Variants in HECTD2 observed in about 807,000 individuals in gnomAD.
HECTD2 encodes HECT domain E3 ubiquitin protein ligase 2.
HECTD2 carries 35 observed loss-of-function variants against 103.2 expected under a neutral mutation model. That is an observed-to-expected ratio of 0.34 (90% CI 0.26 to 0.45). HECTD2 has a LOEUF of 0.45. Ranked by LOEUF, HECTD2 falls within the 20% of genes least tolerant of loss-of-function variation. HECTD2 has a pLI of 1.00. For synonymous variants in HECTD2, 281 were observed against 329.9 expected (o/e 0.85, Z 1.61); for missense variants, 596 against 937.4 (o/e 0.64, Z 4.76).
intron 1 of HECTD2, among the ~76,000 whole-genome samples, chr10:91,421,114 CATTT>C (rs1258195214): frequency 3.3e-5 from 5 of 152,110 alleles, no homozygotes; most frequent in South Asian, 2.1e-4. Flanking sequence ...ACTTCCCATT[CATTT>C]GTCAATTTAT....
chr10:91,494,662 A>C (rs1337581359), intron 14 of HECTD2, among the ~76,000 whole-genome samples: 1 of 152,194 alleles, frequency 6.6e-6, no homozygotes, highest in East Asian at 1.9e-4. Context: ...AAAGGTCCAA[A>C]GTGCTAAATT....
At chr10:91,431,965 G>T (rs1235390482) in intron 2 of HECTD2, among the ~76,000 whole-genome samples, 4 of 151,876 alleles carry the variant, frequency 2.6e-5, no homozygotes, top group Non-Finnish European at 5.9e-5. Context: ...ACTCTGACTC[G>T]ATGAGTAGAC....
chr10:91,451,478 C>T (rs1844824719), intron 2 of HECTD2, among the ~76,000 whole-genome samples: 1 of 151,870 alleles, frequency 6.6e-6, no homozygotes, highest in African/African-American at 2.4e-5. Flanking sequence ...ATGTAACAAA[C>T]CTGCACGTTC....
intron 2 of HECTD2, among the ~76,000 whole-genome samples, chr10:91,455,779 C>G (rs1186839207): frequency 2.0e-5 from 3 of 152,094 alleles, no homozygotes; most frequent in African/African-American, 2.4e-5. Flanking sequence ...CCAGTTTTAG[C>G]TTTCTACATA....
At chr10:91,425,458 AT>A in intron 2 of HECTD2, 48 bp downstream of exon 2, 1 of 1,330,658 alleles carries the variant, frequency 7.5e-7, no homozygotes, top group Non-Finnish European at 1.0e-6. Flanking sequence ...TTTTTAAATT[AT>A]TTTTAAAAGT....
In HECTD2 at chr10:91,499,066, C is replaced by T. The variant is rs1358706715; in HGVS notation, c.1866C>T (p.Asp622=). 3 of 1,611,692 alleles carry T rather than the reference C, an allele frequency of 1.9e-6. No homozygotes were observed. The highest frequency in any genetic ancestry group is 1.7e-6 in the Non-Finnish European group (2 of 1,178,194). ...NRKEYVQLYT[D]FLLNKSIYKQ... ...CAGAATATGTACAGCTTTATACTGA[C>T]TTCCTTCTGAACAAATCCATCTATA... Residue 622 remains aspartate (D), a synonymous_variant, in exon 18 of 21, where the codon GAC becomes GAT. Transcript: ENST00000298068.
intron 2 of HECTD2, among the ~76,000 whole-genome samples, chr10:91,455,661 G>A (rs1845054907): frequency 6.6e-6 from 1 of 152,134 alleles, no homozygotes; most frequent in East Asian, 1.9e-4. Flanking sequence ...CCTATGTCCT[G>A]AATGGTATTG....
At chr10:91,484,426 G>A (rs1184625188) in intron 8 of HECTD2, 81 bp from the exon 9 acceptor site, 67 of 1,508,170 alleles carry the variant, frequency 4.4e-5, no homozygotes, top group South Asian at 2.8e-4. Context: ...TGTGGCTTAG[G>A]ATGTAGTTTA....
intron 5 of HECTD2, among the ~76,000 whole-genome samples, chr10:91,465,990 G>A (rs1845519894): frequency 6.6e-6 from 1 of 152,124 alleles, no homozygotes; most frequent in South Asian, 2.1e-4. Context: ...TTTTCTGGAA[G>A]AAATTTTACA....
chr10:91,500,739 C>A, intron 19 of HECTD2, 122 bp downstream of exon 19: 1 of 496,464 alleles, frequency 2.0e-6, no homozygotes. Context: ...ATTAGAGAGT[C>A]CCACAGTCTT....
intron 2 of HECTD2, among the ~76,000 whole-genome samples, chr10:91,456,351 T>G (rs1443840249): frequency 6.6e-6 from 1 of 152,032 alleles, no homozygotes; most frequent in Admixed American, 6.6e-5. Context: ...TGAATGGGAG[T>G]TCACTCATGA....
intron 6 of HECTD2, 94 bp downstream of exon 6, chr10:91,478,359 G>A: frequency 1.3e-6 from 1 of 753,880 alleles, no homozygotes; most frequent in Non-Finnish European, 2.2e-6. Flanking sequence ...TTTACTCTCA[G>A]AAAAGATTTT....
chr10:91,426,586 G>GCA (rs1246652550), intron 2 of HECTD2, among the ~76,000 whole-genome samples: 1 of 147,044 alleles, frequency 6.8e-6, no homozygotes, highest in Non-Finnish European at 1.5e-5. Context: ...ACACACACAA[G>GCA]CACACACACA....
intron 2 of HECTD2, among the ~76,000 whole-genome samples, chr10:91,456,725 G>T (rs1564716262): frequency 6.6e-6 from 1 of 151,936 alleles, no homozygotes; most frequent in Non-Finnish European, 1.5e-5. Flanking sequence ...GTCATAAATA[G>T]CTCTTATTAT....
intron 1 of HECTD2, among the ~76,000 whole-genome samples, chr10:91,424,383 AG>A: frequency 6.6e-6 from 1 of 152,114 alleles, no homozygotes; most frequent in East Asian, 1.9e-4. Context: ...AAGAAGGAGG[AG>A]ATGAAAAAGA....
At position 91,429,534 on chromosome 10, in the gene HECTD2, T is replaced by C. The variant is rs927840085; in HGVS notation, c.268+4124T>C. Among the ~76,000 whole-genome samples, 13 of 152,204 alleles carry C rather than the reference T, an allele frequency of 8.5e-5. 1 individual carries two copies. Among genetic ancestry groups the C allele is most frequent in the Non-Finnish European group, 2.9e-5 (2 of 68,028 alleles). ...GGACTCTTTTTGGTTGGTAAGCTAT[T>C]GATTATTGCCACAATTTCAGATCCT... On this transcript the variant is annotated intron_variant, in intron 2 of 20. Coordinates refer to ENST00000298068, the MANE Select transcript of HECTD2 (RefSeq NM_182765.6).
At chr10:91,482,755 C>T (rs1350295275) in intron 7 of HECTD2, among the ~76,000 whole-genome samples, 2 of 151,940 alleles carry the variant, frequency 1.3e-5, no homozygotes, top group Admixed American at 1.3e-4. Flanking sequence ...CCCTCAGACC[C>T]AGATCTGTCT....
intron 15 of HECTD2, among the ~76,000 whole-genome samples, chr10:91,496,813 C>A (rs1056391746): frequency 2.6e-5 from 4 of 151,774 alleles, no homozygotes; most frequent in Middle Eastern, 3.2e-3. Context: ...TCTAATCATG[C>A]TATTATTTAC....
At chr10:91,452,156 GGT>G (rs1167502117) in intron 2 of HECTD2, among the ~76,000 whole-genome samples, 1 of 151,962 alleles carries the variant, frequency 6.6e-6, no homozygotes, top group East Asian at 1.9e-4. Flanking sequence ...TATAACAAAA[GGT>G]GTTACAGTCC....
Sources: allele counts gnomAD v4.1 joint callset (sites outside exome capture counted in the v4.1 genomes callset), GRCh38; gene constraint gnomAD v4.1.1; transcripts MANE v1.5; gene names NCBI Gene and HGNC (gene_info 2026-07-23, HGNC 2026-07-21).